MYB: variants seen among roughly 807,000 people sequenced by gnomAD.
The protein encoded by MYB is transcriptional activator Myb.
Under a neutral mutation model 92.9 loss-of-function variants are expected in MYB, and 28 were observed. The observed-to-expected ratio is 0.30, with a 90% CI of 0.22 to 0.41. The LOEUF is 0.41. MYB is among the 10% of genes least tolerant of loss of function. The pLI is 1.00. For synonymous variants in MYB, 295 were observed against 329.1 expected, an observed-to-expected ratio of 0.90 and a Z score of 1.12; for missense variants, 679 against 929.3, an observed-to-expected ratio of 0.73 and a Z score of 3.50.
Position 135,190,998 on chromosome 6 carries a change from T to A in MYB, c.527+651T>A, listed in dbSNP as rs1459309656. On this transcript the variant is annotated intron_variant, in intron 5 of 15. Transcript: ENST00000341911. This position sits in a 1 kb window ranked among gnomAD's most constrained non-coding sequence, Gnocchi z 4.5. Reference sequence around the variant, plus strand: ...ATTTTTTGTAGAGATGGAATCCTGCTATGTTACCCAGGCTGGTATCAAACT... The same window carrying A: ...ATTTTTTGTAGAGATGGAATCCTGCAATGTTACCCAGGCTGGTATCAAACT... Among the ~76,000 whole-genome samples the A allele has an allele frequency of 2.0e-5, 3 of 152,164 alleles. No individual in the cohort carries two copies. The highest frequency in any genetic ancestry group is 4.4e-5 in the Non-Finnish European group (3 of 68,022).
At chr6:135,211,174 G>A (rs1779656208) in intron 15 of MYB, among the ~76,000 whole-genome samples, 1 of 148,614 alleles carries the variant, frequency 6.7e-6, no homozygotes, top group East Asian at 2.0e-4. Context: ...AGATCTTTCC[G>A]AGCCTTTTTC....
At chr6:135,202,461 C>T (rs951905624) in intron 14 of MYB, 4 of 154,106 alleles carry the variant, frequency 2.6e-5, no homozygotes, top group South Asian at 2.0e-4. Context: ...CTCTGCCTCC[C>T]GGGTTCAAGC....
rs1780735816 is a variant in MYB at position 135,218,670 on chromosome 6, T to TC, written c.*690_*691insC. On this transcript the variant is annotated 3_prime_UTR_variant, in exon 16 of 16. Transcript: ENST00000341911. ...TCTTAGCCTGTAGACATGCTGCTAG[T>TC]ATCAGAGGGGCAGTAGAGCTTGGAC... 1 of 191,956 alleles carries TC rather than the reference T, an allele frequency of 5.2e-6. No homozygotes were observed. Among genetic ancestry groups the TC allele is most frequent in the Non-Finnish European group, 1.1e-5 (1 of 91,570 alleles). The allele number at this position is 191,956 out of a possible 1,614,324, so 11.9% of individuals were successfully genotyped here.
intron 3 of MYB, among the ~76,000 whole-genome samples, chr6:135,189,555 G>A (rs1048023433): frequency 3.3e-5 from 5 of 152,196 alleles, no homozygotes; most frequent in African/African-American, 9.7e-5. Flanking sequence ...TTTAGATCAT[G>A]TGGCAGGAAT....
intron 15 of MYB, among the ~76,000 whole-genome samples, chr6:135,210,455 A>G (rs970158958): frequency 6.6e-6 from 1 of 152,266 alleles, no homozygotes; most frequent in African/African-American, 2.4e-5. Flanking sequence ...CACAGTATCA[A>G]AGAATTTAAA....
intron 6 of MYB, 85 bp from the exon 7 acceptor site, chr6:135,193,753 C>T: frequency 2.3e-6 from 2 of 859,610 alleles, no homozygotes; most frequent in African/African-American, 1.7e-5. Context: ...TCTCTCAGTC[C>T]CAGAACGAAA....
intron 15 of MYB, among the ~76,000 whole-genome samples, chr6:135,216,077 C>T (rs1323254538): frequency 6.6e-6 from 1 of 152,156 alleles, no homozygotes; most frequent in Non-Finnish European, 1.5e-5. Context: ...TTCTGTTCCC[C>T]TCTCTGCATT....
intron 3 of MYB, among the ~76,000 whole-genome samples, chr6:135,188,423 G>T (rs958256154): frequency 4.6e-5 from 7 of 151,240 alleles, no homozygotes; most frequent in Non-Finnish European, 1.0e-4. Flanking sequence ...TTGGGCTCCT[G>T]CCCTCTCATT....
intron 5 of MYB, among the ~76,000 whole-genome samples, chr6:135,191,491 G>A (rs1776617209): frequency 2.0e-5 from 3 of 152,148 alleles, no homozygotes. Context: ...TATAAACTTA[G>A]AAATTTTAAG....
chr6:135,186,568 A>G (rs1165879111), intron 2 of MYB, among the ~76,000 whole-genome samples: 1 of 152,194 alleles, frequency 6.6e-6, no homozygotes, highest in Non-Finnish European at 1.5e-5. Flanking sequence ...ATGACTTGCT[A>G]CTCCCAAAAA....
chr6:135,195,402 C>T, intron 8 of MYB: 2 of 274,110 alleles, frequency 7.3e-6, no homozygotes, highest in South Asian at 9.8e-5. Context: ...TTCTTCAGTT[C>T]TTCACTCACA....
At chr6:135,184,836 A>G (rs1228130277) in intron 1 of MYB, among the ~76,000 whole-genome samples, 1 of 152,120 alleles carries the variant, frequency 6.6e-6, no homozygotes, top group African/African-American at 2.4e-5. Flanking sequence ...CTAAGATAGT[A>G]TTTTTCCTAT....
intron 2 of MYB, among the ~76,000 whole-genome samples, chr6:135,187,328 T>C (rs1776055284): frequency 6.6e-6 from 1 of 152,218 alleles, no homozygotes; most frequent in African/African-American, 2.4e-5. Flanking sequence ...TAACTGGAAA[T>C]ATTCTATTTC....
At chr6:135,212,224 C>CTTTTTTTTTTTGTTTT (rs1779813183) in intron 15 of MYB, among the ~76,000 whole-genome samples, 1 of 32,882 alleles carries the variant, frequency 3.0e-5, no homozygotes, top group Non-Finnish European at 5.3e-5. Context: ...TTTGGTTTTA[C>CTTTTTTTTTTTGTTTT]TTTTTTTTTT....
chr6:135,210,966 C>T (rs915678409), intron 15 of MYB, among the ~76,000 whole-genome samples: 1 of 151,962 alleles, frequency 6.6e-6, no homozygotes, highest in Admixed American at 6.6e-5. Flanking sequence ...CTCTGGCATG[C>T]TATTCCCTGT....
rs1367595402 is a variant in MYB, at chr6:135,195,006, C to G, written c.948+546C>G. ...TCTGACATCTTTAGCGACTGGGCAG[C>G]CAACTGGGATGGCTCCTTGTGCTTT... On this transcript the variant is annotated intron_variant, in intron 8 of 15. Transcript: ENST00000341911. 5 of 1,339,610 alleles carry G rather than the reference C, an allele frequency of 3.7e-6. No homozygotes were observed. In the South Asian group the frequency reaches 5.9e-5, roughly 16 times the overall value. 83.0% of individuals were successfully genotyped at this position (1,339,610 alleles called of 1,614,324 possible).
rs778373708 is a variant in MYB at position 135,217,855 on chromosome 6, C to T, written c.2170-9C>T. 5.1e-6 allele frequency: 8 copies of T among 1,580,068 alleles called. No homozygotes were observed. Among genetic ancestry groups the T allele is most frequent in the Non-Finnish European group, 7.0e-6 (8 of 1,149,124 alleles). On this transcript the variant is annotated splice_polypyrimidine_tract_variant and intron_variant, in intron 15 of 15. Coordinates refer to ENST00000341911, the MANE Select transcript of MYB (RefSeq NM_001130173.2). ...CTGACGCTCCTGTTGCCATCCCTTT[C>T]TCCATCAGCCTTGTAGCAGTACCTG...
Position 135,196,878 on chromosome 6 carries a change from G to A in MYB, c.1204-83G>A, listed in dbSNP as rs1041217874. On this transcript the variant is annotated intron_variant, in intron 9 of 15. Transcript: ENST00000341911. ...CCAACGGGCCTAGTGTTTGCTTTGC[G>A]TTGAGCATCTCTCTCTCAGTGCTGT... The A allele has an allele frequency of 7.1e-5, 113 of 1,585,218 alleles. 1 individual carries two copies. Among genetic ancestry groups the A allele is most frequent in the South Asian group, 4.8e-4 (42 of 88,172 alleles).
chr6:135,218,854 G>C lies in MYB; in HGVS notation c.*874G>C, dbSNP rs1017033185. 1 of 226,576 alleles carries C rather than the reference G, an allele frequency of 4.4e-6. No individual in the cohort carries two copies. The highest frequency in any genetic ancestry group is 2.2e-5 in the African/African-American group (1 of 44,876). The allele number at this position is 226,576 out of a possible 1,614,324, so 14.0% of individuals were successfully genotyped here. ...TATTGTGGTTTTTTTGTTATTGTTGGTTTATACAAGCATGCGTTGCACTTC... is the reference window on the plus strand; with the variant it reads ...TATTGTGGTTTTTTTGTTATTGTTGCTTTATACAAGCATGCGTTGCACTTC... On this transcript the variant is annotated 3_prime_UTR_variant, in exon 16 of 16. Coordinates refer to ENST00000341911, the MANE Select transcript of MYB (RefSeq NM_001130173.2).
Sources: gnomAD v4.1 joint callset for allele counts (sites outside exome capture counted in the v4.1 genomes callset) on GRCh38, gnomAD v4.1.1 for gene constraint, Gnocchi (gnomAD v3.1) non-coding constraint, MANE v1.5 for transcripts, NCBI Gene and HGNC (gene_info 2026-07-23, HGNC 2026-07-21) for gene names.